CYTH4: variants seen among roughly 807,000 people sequenced by gnomAD.
CYTH4 encodes the protein cytohesin-4.
A neutral mutation model predicts 57.5 loss-of-function variants in CYTH4; 22 were observed. The ratio of observed to expected loss-of-function variants is 0.38; its 90% CI spans 0.27 to 0.55. The LOEUF is 0.55. CYTH4 is among the 20% of genes least tolerant of loss of function. The pLI, the probability that CYTH4 is intolerant of heterozygous loss-of-function variation, is 0.74. For missense variants in CYTH4, 420 were observed against 535.6 expected, an observed-to-expected ratio of 0.78 and a Z score of 2.13; for synonymous variants, 186 against 206.5, an observed-to-expected ratio of 0.90 and a Z score of 0.85.
At chr22:37,296,311 A>T in intron 4 of CYTH4, 1 of 556,036 alleles carries the variant, frequency 1.8e-6, no homozygotes, top group Non-Finnish European at 3.2e-6. Context: ...GTGTCCATGC[A>T]CTTGGCCTAG....
chr22:37,303,084 G>A (rs909616775), intron 7 of CYTH4, among the ~76,000 whole-genome samples, 170 bp from the exon 8 acceptor site: 1 of 152,146 alleles, frequency 6.6e-6, no homozygotes, highest in Non-Finnish European at 1.5e-5. Context: ...AGAGGGGGTG[G>A]GGACCAGCAA....
chr22:37,303,400 C>A lies in CYTH4; in HGVS notation c.694C>A (p.Arg232=). 6.2e-7 allele frequency: 1 copy of A among 1,612,792 alleles called. No individual in the cohort carries two copies. The highest frequency in any genetic ancestry group is 8.5e-7 in the Non-Finnish European group (1 of 1,179,514). ...NGSDLPEDQL[R]NLFDSIKSEP... is the part of the protein sequence containing the mutation. ...TAGCGACCTGCCCGAGGACCAGCTG[C>A]GGGTGAGAGAGGCGCAGCCCACCCA... The change falls in exon 8 of 13, where the codon CGG becomes AGG. Residue 232 remains arginine (R), a splice_region_variant and synonymous_variant. Transcript: ENST00000248901.
chr22:37,303,245 C>T lies in CYTH4; in HGVS notation c.548-9C>T. Reference sequence around the variant, plus strand: ...AGGGCCAGAACTGTGACCGCTGTCCCCTCCGCAGACACCTGCTACGTGTTG... The same window carrying T: ...AGGGCCAGAACTGTGACCGCTGTCCTCTCCGCAGACACCTGCTACGTGTTG... On this transcript the variant is annotated splice_polypyrimidine_tract_variant and intron_variant, in intron 7 of 12. Coordinates refer to ENST00000248901, the MANE Select transcript of CYTH4 (RefSeq NM_013385.5). 1 of 1,613,978 alleles carries T rather than the reference C, an allele frequency of 6.2e-7. No individual in the cohort carries two copies. The highest frequency in any genetic ancestry group is 1.1e-5 in the South Asian group (1 of 91,072).
chr22:37,287,273 G>C (rs1238132474), intron 1 of CYTH4, among the ~76,000 whole-genome samples: 2 of 152,076 alleles, frequency 1.3e-5, no homozygotes, highest in Admixed American at 1.3e-4. Flanking sequence ...CAGGAAGGTC[G>C]GCCTAGGAGG....
intron 4 of CYTH4, 48 bp from the exon 5 acceptor site, chr22:37,297,516 C>T (rs766646439): frequency 6.5e-7 from 1 of 1,536,566 alleles, no homozygotes; most frequent in South Asian, 1.1e-5. Flanking sequence ...CCCTCCCAGG[C>T]CTGCTTCCAT....
intron 1 of CYTH4, 29 bp from the exon 2 acceptor site, chr22:37,292,592 G>A (rs1325498702): frequency 6.2e-7 from 1 of 1,611,550 alleles, no homozygotes; most frequent in South Asian, 1.1e-5. Context: ...GGAGCCAAGT[G>A]ATGGGGAAGG....
chr22:37,286,678 T>C (rs1277425767), intron 1 of CYTH4, among the ~76,000 whole-genome samples: 1 of 151,628 alleles, frequency 6.6e-6, no homozygotes, highest in East Asian at 1.9e-4. Flanking sequence ...CAAGGAATGG[T>C]GGTGCAAAGG....
chr22:37,302,894 G>A (rs1165530074), intron 7 of CYTH4, among the ~76,000 whole-genome samples: 1 of 152,170 alleles, frequency 6.6e-6, no homozygotes, highest in Admixed American at 6.5e-5. Context: ...GAGAGGCAGA[G>A]AACAGAGTGG....
intron 2 of CYTH4, among the ~76,000 whole-genome samples, chr22:37,294,310 G>C (rs188816906): frequency 6.6e-6 from 1 of 151,342 alleles, no homozygotes; most frequent in African/African-American, 2.4e-5. Flanking sequence ...TGTCGGGTAG[G>C]CTCGGCTAGA....
intron 1 of CYTH4, among the ~76,000 whole-genome samples, chr22:37,285,266 A>C (rs1928510684): frequency 6.6e-6 from 1 of 152,052 alleles, no homozygotes; most frequent in African/African-American, 2.4e-5. Context: ...GGGCAGCACC[A>C]GCCTGTGGGC....
In CYTH4 at chr22:37,310,505, G is replaced by A. The variant is rs1043936200; in HGVS notation, c.809-483G>A. 3.0e-4 allele frequency among the ~76,000 whole-genome samples: 45 copies of A among 152,192 alleles called. 1 individual carries two copies. Among genetic ancestry groups the A allele is most frequent in the Non-Finnish European group, 2.9e-5 (2 of 68,044 alleles). ...CTCTGCTGCTGAACCGTGGGCAGGC[G>A]ATTTTACCTCTCCATGACTGTTTCC... On this transcript the variant is annotated intron_variant, in intron 9 of 12. Coordinates refer to ENST00000248901, the MANE Select transcript of CYTH4 (RefSeq NM_013385.5).
chr22:37,283,420 T>C (rs1928435147), intron 1 of CYTH4, among the ~76,000 whole-genome samples: 1 of 152,192 alleles, frequency 6.6e-6, no homozygotes, highest in African/African-American at 2.4e-5. Context: ...TGAACACGGC[T>C]GCTGGAATTC....
intron 1 of CYTH4, among the ~76,000 whole-genome samples, chr22:37,285,032 C>T (rs978706232): frequency 1.3e-5 from 2 of 152,220 alleles, no homozygotes; most frequent in African/African-American, 2.4e-5. Flanking sequence ...CACCCACACC[C>T]CCTCTGCCCC....
At position 37,311,881 on chromosome 22, in the gene CYTH4, A is replaced by G; in HGVS notation, c.958-139A>G. 3.7e-6 allele frequency: 4 copies of G among 1,088,936 alleles called. No individual in the cohort carries two copies. Among genetic ancestry groups the G allele is most frequent in the South Asian group, 3.2e-5 (2 of 62,312 alleles). The allele number at this position is 1,088,936 out of a possible 1,614,324, so 67.5% of individuals were successfully genotyped here. A position where few individuals can be genotyped will look rare whatever the true frequency, so the allele number is the denominator to read the frequency against. On this transcript the variant is annotated intron_variant, in intron 11 of 12. Coordinates refer to ENST00000248901, the MANE Select transcript of CYTH4 (RefSeq NM_013385.5). This position sits in a 1 kb window ranked among gnomAD's most constrained non-coding sequence, Gnocchi z 4.4. ...CCACAGAGAGAGTGCTCAGTGTGGG[A>G]GCAGCAGCTCCTGCCCCTTCGCCTG...
chr22:37,309,515 C>T (rs1929558878), intron 9 of CYTH4, among the ~76,000 whole-genome samples, 192 bp downstream of exon 9: 1 of 152,168 alleles, frequency 6.6e-6, no homozygotes, highest in African/African-American at 2.4e-5. Flanking sequence ...ATCCATCCAC[C>T]TGTCCCGAGA....
chr22:37,305,696 T>G (rs377752196), intron 8 of CYTH4, among the ~76,000 whole-genome samples: 145 of 152,300 alleles, frequency 9.5e-4, no homozygotes, highest in African/African-American at 3.4e-3. Context: ...CTTCAGATAG[T>G]CAAAGGTCAG....
In CYTH4 at chr22:37,292,640, C is replaced by T. The variant is rs562869767; in HGVS notation, c.39C>T (p.Ser13=). The change falls in exon 2 of 13, where the codon AGC becomes AGT. Residue 13 remains serine (S), a synonymous_variant. Transcript: ENST00000248901. ...CTGTAGAGCCCGCGGAGCTGAGCAGCGGGGAGACGGAAGAGTTACAGAGGA... is the reference window on the plus strand; with the variant it reads ...CTGTAGAGCCCGCGGAGCTGAGCAGTGGGGAGACGGAAGAGTTACAGAGGA... ...LCHPEPAELS[S]GETEELQRIK... 9.5e-5 allele frequency: 153 copies of T among 1,613,818 alleles called. 2 individuals are homozygous for T. The South Asian group carries it at 1.5e-3, about 16-fold the overall frequency.
At chr22:37,286,261 G>C (rs1033030291) in intron 1 of CYTH4, among the ~76,000 whole-genome samples, 1 of 152,178 alleles carries the variant, frequency 6.6e-6, no homozygotes, top group Non-Finnish European at 1.5e-5. Context: ...GTAAGCCTCC[G>C]AGCCCCAGAT....
chr22:37,294,833 T>C, intron 3 of CYTH4, 109 bp downstream of exon 3: 1 of 1,343,146 alleles, frequency 7.4e-7, no homozygotes, highest in Non-Finnish European at 1.1e-6. Flanking sequence ...CCTGGTGAAA[T>C]CAGGGATTGG....
Sources: allele counts gnomAD v4.1 joint callset (sites outside exome capture counted in the v4.1 genomes callset), GRCh38; gene constraint gnomAD v4.1.1; non-coding constraint Gnocchi (gnomAD v3.1); transcripts MANE v1.5; gene names NCBI Gene and HGNC (gene_info 2026-07-23, HGNC 2026-07-21).